Variants in CPEB3 observed in about 807,000 individuals in gnomAD.
CPEB3 encodes cytoplasmic polyadenylation element-binding protein 3.
CPEB3 carries 20 observed loss-of-function variants against 67.2 expected under a neutral mutation model. The observed-to-expected ratio is 0.30, with a 90% CI of 0.21 to 0.43. The LOEUF is 0.43. Among genes scored for constraint, CPEB3 ranks in the 20% least tolerant of loss-of-function variants. The pLI is 1.00. For synonymous variants in CPEB3, 376 were observed against 393.1 expected (o/e 0.96, Z 0.51); for missense variants, 746 against 968.6 (o/e 0.77, Z 3.05).
At position 92,061,430 on chromosome 10, in the gene CPEB3, A is replaced by C. The variant is rs1314534919; in HGVS notation, c.1870-8991T>G. 3.3e-5 allele frequency among the ~76,000 whole-genome samples: 5 copies of C among 151,430 alleles called. No individual in the cohort carries two copies. The East Asian group carries it at 9.7e-4, about 29-fold the overall frequency. ...GCGAAATTCTGTCTCAAAAAAAAAA[A>C]AAAAAAAAAAAAACATATGAATAGA... On this transcript the variant is annotated intron_variant, in intron 9 of 9. Transcript: ENST00000265997.
At position 92,050,864 on chromosome 10, in the gene CPEB3, A is replaced by G. The variant is rs1373432198; in HGVS notation, c.*1348T>C. 1 of 152,660 alleles carries G rather than the reference A, an allele frequency of 6.6e-6. No homozygotes were observed. The highest frequency in any genetic ancestry group is 1.9e-4 in the East Asian group (1 of 5,200). 9.5% of individuals were successfully genotyped at this position (152,660 alleles called of 1,614,324 possible). A position where few individuals can be genotyped will look rare whatever the true frequency, so the allele number is the denominator to read the frequency against. ...CTTTGGTTTTCTGGACAAGGTCTGA[A>G]GCTATGTAAAATGGTGCAAGCACTA... On this transcript the variant is annotated 3_prime_UTR_variant, in exon 10 of 10. Transcript: ENST00000265997.
In CPEB3 at chr10:92,133,342, C is replaced by T. The variant is rs1845933843; in HGVS notation, c.1453+9687G>A. On this transcript the variant is annotated intron_variant, in intron 6 of 9. Transcript: ENST00000265997. ...TAAAAAATGATAAAGGGGATATCAC[C>T]ACCGATCCCACAGAAATACAAACTA... Among the ~76,000 whole-genome samples the T allele has an allele frequency of 3.3e-5, 5 of 152,032 alleles. No individual in the cohort carries two copies. In the South Asian group the frequency reaches 1.0e-3, roughly 32 times the overall value.
chr10:92,156,693 T>C (rs1347199789), intron 4 of CPEB3, among the ~76,000 whole-genome samples: 7 of 152,220 alleles, frequency 4.6e-5, no homozygotes, highest in African/African-American at 1.7e-4. Context: ...ATTTATAGGC[T>C]TTAACTTTTT....
At chr10:92,216,493 G>A (rs1329754699) in intron 2 of CPEB3, 3 of 1,613,034 alleles carry the variant, frequency 1.9e-6, no homozygotes, top group African/African-American at 1.3e-5. Flanking sequence ...TTAAGAAAGC[G>A]GTGAAGCAGA....
chr10:92,101,743 A>G (rs1430875277), intron 7 of CPEB3, among the ~76,000 whole-genome samples: 2 of 152,054 alleles, frequency 1.3e-5, no homozygotes, highest in Non-Finnish European at 2.9e-5. Context: ...CCCCATCTCT[A>G]CTAAAAATAC....
chr10:92,100,678 G>A (rs1026530415), intron 7 of CPEB3, among the ~76,000 whole-genome samples: 4 of 151,954 alleles, frequency 2.6e-5, no homozygotes, highest in Admixed American at 1.3e-4. Context: ...TGCAAGCTTC[G>A]CCTCCCGGGT....
At chr10:92,136,003 G>T (rs1846075745) in intron 6 of CPEB3, among the ~76,000 whole-genome samples, 1 of 149,916 alleles carries the variant, frequency 6.7e-6, no homozygotes, top group African/African-American at 2.5e-5. Flanking sequence ...ACATCCAGGG[G>T]CCTGTCATGG....
At chr10:92,076,220 C>T (rs766554620) in intron 9 of CPEB3, 1 of 152,144 alleles carries the variant, frequency 6.6e-6, no homozygotes, top group African/African-American at 2.4e-5. Flanking sequence ...AAGGTTGATG[C>T]TACTTAAAAT....
At chr10:92,165,107 G>A (rs1001539898) in intron 4 of CPEB3, among the ~76,000 whole-genome samples, 4 of 152,014 alleles carry the variant, frequency 2.6e-5, no homozygotes, top group Non-Finnish European at 5.9e-5. Flanking sequence ...TAAGTGCACA[G>A]TAGCATTATG....
intron 4 of CPEB3, among the ~76,000 whole-genome samples, chr10:92,178,752 T>C (rs1848336874): frequency 6.6e-6 from 1 of 152,184 alleles, no homozygotes; most frequent in East Asian, 1.9e-4. Flanking sequence ...GTGCATATGC[T>C]ACATATGTAA....
rs1476613153 is a variant in CPEB3, at chr10:92,050,123, G to A, written c.*2089C>T. On this transcript the variant is annotated 3_prime_UTR_variant, in exon 10 of 10. Coordinates refer to ENST00000265997, the MANE Select transcript of CPEB3 (RefSeq NM_014912.5). The stretch of plus-strand genomic sequence containing the variant: ...ACTGTCTAGAATACAAAAAGTAGTA[G>A]TGCATAACAAAATTTCTTGTACAGA... 1 of 150,058 alleles carries A rather than the reference G, an allele frequency of 6.7e-6. No homozygotes were observed. Among genetic ancestry groups the A allele is most frequent in the Non-Finnish European group, 1.5e-5 (1 of 67,608 alleles). The allele number at this position is 150,058 out of a possible 1,614,324, so 9.3% of individuals were successfully genotyped here. A position where few individuals can be genotyped will look rare whatever the true frequency, so the allele number is the denominator to read the frequency against.
At chr10:92,267,796 A>G (rs920576044) in intron 1 of CPEB3, among the ~76,000 whole-genome samples, 21 of 152,192 alleles carry the variant, frequency 1.4e-4, no homozygotes, top group Non-Finnish European at 2.5e-4. Flanking sequence ...GTTTAAAATC[A>G]AAAGAGCTTG....
chr10:92,097,750 C>T (rs1440984532), intron 7 of CPEB3, among the ~76,000 whole-genome samples: 1 of 152,064 alleles, frequency 6.6e-6, no homozygotes, highest in East Asian at 1.9e-4. Flanking sequence ...GAACATGGGT[C>T]CCTAGGGTTG....
intron 2 of CPEB3, among the ~76,000 whole-genome samples, chr10:92,217,586 A>AC (rs1172855533): frequency 6.6e-6 from 1 of 151,552 alleles, no homozygotes; most frequent in Non-Finnish European, 1.5e-5. Flanking sequence ...ACATGGAGGA[A>AC]CCCCGTCTCT....
At chr10:92,150,691 C>T (rs1018954325) in intron 4 of CPEB3, among the ~76,000 whole-genome samples, 1 of 152,182 alleles carries the variant, frequency 6.6e-6, no homozygotes, top group Non-Finnish European at 1.5e-5. Context: ...ATTTAAGAGG[C>T]TGCACCTAAA....
intron 1 of CPEB3, among the ~76,000 whole-genome samples, chr10:92,247,196 A>AT (rs1374482468): frequency 6.6e-6 from 1 of 152,126 alleles, no homozygotes; most frequent in Non-Finnish European, 1.5e-5. Context: ...TTACTTAACC[A>AT]TAAAAGAGGT....
chr10:92,090,085 GAAT>G (rs1429670084), intron 8 of CPEB3, among the ~76,000 whole-genome samples: 1 of 152,124 alleles, frequency 6.6e-6, no homozygotes, highest in Admixed American at 6.6e-5. Flanking sequence ...AATAAAGAGT[GAAT>G]AATACAAATT....
intron 9 of CPEB3, among the ~76,000 whole-genome samples, chr10:92,052,891 G>C (rs1407976305): frequency 1.3e-5 from 2 of 152,222 alleles, no homozygotes; most frequent in African/African-American, 2.4e-5. Context: ...GAAGCAGCCA[G>C]GACAAAGGCC....
chr10:92,104,979 C>CAGTG (rs1318063946), intron 7 of CPEB3, among the ~76,000 whole-genome samples: 10 of 152,044 alleles, frequency 6.6e-5, no homozygotes, highest in African/African-American at 1.7e-4. Flanking sequence ...CAGCTCACTG[C>CAGTG]AGCCTCGGAC....
Sources: allele counts gnomAD v4.1 joint callset (sites outside exome capture counted in the v4.1 genomes callset), GRCh38; gene constraint gnomAD v4.1.1; transcripts MANE v1.5; gene names NCBI Gene and HGNC (gene_info 2026-07-23, HGNC 2026-07-21).